The following SLC6A17 variants were observed in gnomAD, a reference collection of about 807,000 sequenced individuals.
SLC6A17 encodes the protein solute carrier family 6 member 17.
In SLC6A17, 21 loss-of-function variants were observed where a neutral mutation model predicts 64.5. The ratio of observed to expected loss-of-function variants is 0.33; its 90% confidence interval spans 0.23 to 0.47. The LOEUF (loss-of-function observed/expected upper bound fraction) is 0.47, where lower values mean the gene tolerates loss of function less well. Ranked by LOEUF, SLC6A17 falls within the 20% of genes least tolerant of loss-of-function variation. SLC6A17 has a pLI of 1.00. For missense variants in SLC6A17, 682 were observed against 963.2 expected, an observed-to-expected ratio of 0.71 and a Z score of 3.86; for synonymous variants, 372 against 399.5, an observed-to-expected ratio of 0.93 and a Z score of 0.82.
chr1:110,197,748 C>T, intron 11 of SLC6A17, 149 bp downstream of exon 11: 1 of 971,080 alleles, frequency 1.0e-6, no homozygotes, highest in Non-Finnish European at 1.5e-6. Flanking sequence ...TTACAACAAG[C>T]CAAAGACAGA....
At chr1:110,158,054 A>G (rs1379020831) in intron 1 of SLC6A17, among the ~76,000 whole-genome samples, 2 of 152,126 alleles carry the variant, frequency 1.3e-5, no homozygotes, top group African/African-American at 4.8e-5. Flanking sequence ...GTGTATGTTT[A>G]TATGTACACT....
At chr1:110,188,573 G>A (rs1404866489) in intron 6 of SLC6A17, among the ~76,000 whole-genome samples, 1 of 152,170 alleles carries the variant, frequency 6.6e-6, no homozygotes, top group South Asian at 2.1e-4. Context: ...CCTGCCTGCA[G>A]CTGCCCCATC....
intron 5 of SLC6A17, 95 bp from the exon 6 acceptor site, chr1:110,176,534 A>G (rs1487807559): frequency 1.7e-6 from 2 of 1,163,638 alleles, no homozygotes; most frequent in Admixed American, 3.5e-5. Context: ...TGCTGCCATC[A>G]GGGGCGGCTC....
intron 6 of SLC6A17, among the ~76,000 whole-genome samples, chr1:110,183,929 G>T (rs1656600506): frequency 6.6e-6 from 1 of 152,154 alleles, no homozygotes; most frequent in South Asian, 2.1e-4. Flanking sequence ...AGAAATGTGT[G>T]GGCAGTGGCA....
At chr1:110,168,889 T>C (rs1656143928) in intron 2 of SLC6A17, among the ~76,000 whole-genome samples, 1 of 152,212 alleles carries the variant, frequency 6.6e-6, no homozygotes, top group South Asian at 2.1e-4. Context: ...CATAAAGAAC[T>C]ACCCTAGAGG....
At chr1:110,194,814 C>G (rs781421176) in intron 9 of SLC6A17, 43 bp downstream of exon 9, 2 of 1,603,606 alleles carry the variant, frequency 1.2e-6, no homozygotes. Flanking sequence ...GCAGGCTGCC[C>G]TTGTGGACAA....
intron 6 of SLC6A17, among the ~76,000 whole-genome samples, chr1:110,178,965 T>C (rs974990998): frequency 1.3e-5 from 2 of 152,254 alleles, no homozygotes; most frequent in African/African-American, 2.4e-5. Flanking sequence ...GTTATACATA[T>C]ATGTGTATCC....
intron 1 of SLC6A17, among the ~76,000 whole-genome samples, chr1:110,162,213 G>A (rs554221459): frequency 4.6e-5 from 7 of 152,336 alleles, no homozygotes; most frequent in East Asian, 1.9e-4. Flanking sequence ...ATTAGAATAC[G>A]GCTGGGCTGG....
intron 2 of SLC6A17, among the ~76,000 whole-genome samples, chr1:110,167,954 G>T (rs1332325230): frequency 6.6e-6 from 1 of 152,124 alleles, no homozygotes; most frequent in Non-Finnish European, 1.5e-5. Flanking sequence ...TATTGCTTCC[G>T]GGTAGGAGGG....
At chr1:110,184,769 A>G (rs906848587) in intron 6 of SLC6A17, among the ~76,000 whole-genome samples, 1 of 152,200 alleles carries the variant, frequency 6.6e-6, no homozygotes, top group African/African-American at 2.4e-5. Context: ...ACCCACACAT[A>G]TTCACGTGCG....
chr1:110,184,077 G>C (rs1410923818), intron 6 of SLC6A17, among the ~76,000 whole-genome samples: 3 of 152,064 alleles, frequency 2.0e-5, no homozygotes, highest in Non-Finnish European at 2.9e-5. Flanking sequence ...TGTTTCCGAC[G>C]ATCAGTGAGG....
chr1:110,194,661 T>C lies in SLC6A17; in HGVS notation c.1382T>C (p.Met461Thr), dbSNP rs1656914601. The C allele has an allele frequency of 6.2e-7, 1 of 1,614,230 alleles. No homozygotes were observed. Among genetic ancestry groups the C allele is most frequent in the Non-Finnish European group, 8.5e-7 (1 of 1,180,046 alleles). The stretch of plus-strand genomic sequence containing the variant: ...CCCGCCTCCCCGTTCTGGTCCGTCA[T>C]GTTCTTCTTGATGCTTATCAACCTG... ...HFPASPFWSV[M>T]FFLMLINLGL... Residue 461 changes from methionine to threonine, a missense_variant, in exon 9 of 12, where the codon ATG becomes ACG. Transcript: ENST00000331565.
chr1:110,195,197 T>G (rs1194962106), intron 9 of SLC6A17, among the ~76,000 whole-genome samples: 1 of 152,186 alleles, frequency 6.6e-6, no homozygotes, highest in African/African-American at 2.4e-5. Context: ...GAGGGATACC[T>G]CTCATCTGCA....
chr1:110,177,333 C>A (rs1656401137), intron 6 of SLC6A17, among the ~76,000 whole-genome samples: 1 of 152,214 alleles, frequency 6.6e-6, no homozygotes, highest in Admixed American at 6.5e-5. Flanking sequence ...TCTTAATTCT[C>A]TCAATAGCCC....
At chr1:110,156,204 T>C (rs1249261653) in intron 1 of SLC6A17, among the ~76,000 whole-genome samples, 2 of 152,206 alleles carry the variant, frequency 1.3e-5, no homozygotes, top group Non-Finnish European at 2.9e-5. Context: ...AATTGCTTTA[T>C]ATTGTGAGTT....
intron 6 of SLC6A17, among the ~76,000 whole-genome samples, chr1:110,189,430 C>T (rs545873311): frequency 1.7e-4 from 26 of 152,248 alleles, no homozygotes; most frequent in South Asian, 1.2e-3. Context: ...GTTTGTCCTG[C>T]GAAGATCTCT....
At chr1:110,195,913 T>C (rs1656955422) in intron 10 of SLC6A17, among the ~76,000 whole-genome samples, 168 bp downstream of exon 10, 1 of 152,148 alleles carries the variant, frequency 6.6e-6, no homozygotes, top group South Asian at 2.1e-4. Flanking sequence ...AGGCCACTTG[T>C]CCAGGGAGAA....
At chr1:110,196,974 A>G (rs1178161210) in intron 10 of SLC6A17, among the ~76,000 whole-genome samples, 3 of 152,248 alleles carry the variant, frequency 2.0e-5, no homozygotes, top group African/African-American at 4.8e-5. Flanking sequence ...ATGCCATTCA[A>G]GCACAAGCCT....
chr1:110,176,557 TG>T, intron 5 of SLC6A17, 71 bp from the exon 6 acceptor site: 1 of 1,424,236 alleles, frequency 7.0e-7, no homozygotes, highest in Non-Finnish European at 9.9e-7. Flanking sequence ...GTGCCCCAGA[TG>T]TGAGCAGGGA....
Sources: allele counts gnomAD v4.1 joint callset (sites outside exome capture counted in the v4.1 genomes callset), GRCh38; gene constraint gnomAD v4.1.1; transcripts MANE v1.5; gene names NCBI Gene and HGNC (gene_info 2026-07-23, HGNC 2026-07-21).